Variants in GPR39 observed in about 807,000 individuals in gnomAD.
GPR39 encodes the protein zinc sensing receptor.
Under a neutral mutation model 18.4 loss-of-function variants are expected in GPR39, and 23 were observed. The ratio of observed to expected loss-of-function variants is 1.25; its 90% confidence interval spans 0.90 to 1.77. The LOEUF (loss-of-function observed/expected upper bound fraction) is 1.77, where lower values mean the gene tolerates loss of function less well. Among genes scored for constraint, GPR39 ranks in the 40% most tolerant of loss-of-function variants. The pLI, the probability that GPR39 is intolerant of heterozygous loss-of-function variation, is 0.00. For missense variants in GPR39, 647 were observed against 602.4 expected (o/e 1.07, Z -0.78); for synonymous variants, 280 against 257.9 (o/e 1.09, Z -0.82).
intron 1 of GPR39, among the ~76,000 whole-genome samples, chr2:132,604,034 A>G (rs1269122076): frequency 6.6e-6 from 1 of 152,084 alleles, no homozygotes; most frequent in Non-Finnish European, 1.5e-5. Context: ...ATACTTCACA[A>G]CCCAACCAAG....
intron 1 of GPR39, among the ~76,000 whole-genome samples, chr2:132,536,615 A>T (rs1489339588): frequency 6.6e-6 from 1 of 152,100 alleles, no homozygotes; most frequent in Non-Finnish European, 1.5e-5. Flanking sequence ...TCAAGTCCTG[A>T]ATATCCTTGT....
intron 1 of GPR39, among the ~76,000 whole-genome samples, chr2:132,594,010 C>T (rs1413990061): frequency 1.3e-5 from 2 of 152,132 alleles, no homozygotes; most frequent in African/African-American, 2.4e-5. Context: ...CCAAGTGTTG[C>T]CAAATTCTTT....
intron 1 of GPR39, among the ~76,000 whole-genome samples, chr2:132,535,881 A>G (rs572054449): frequency 6.6e-5 from 10 of 150,426 alleles, no homozygotes; most frequent in Non-Finnish European, 1.3e-4. Context: ...CTCTGCTGGT[A>G]GTTTGTATTT....
At chr2:132,456,422 C>G (rs1680729932) in intron 1 of GPR39, among the ~76,000 whole-genome samples, 1 of 151,904 alleles carries the variant, frequency 6.6e-6, no homozygotes, top group African/African-American at 2.4e-5. Context: ...TGGGTCTTGA[C>G]TCTTTATCCA....
chr2:132,640,670 G>A (rs1681841495), intron 1 of GPR39, among the ~76,000 whole-genome samples: 1 of 151,940 alleles, frequency 6.6e-6, no homozygotes, highest in Non-Finnish European at 1.5e-5. Context: ...AATTGTGATT[G>A]CAGCCAAACA....
At chr2:132,510,057 G>A (rs1679212148) in intron 1 of GPR39, among the ~76,000 whole-genome samples, 1 of 152,210 alleles carries the variant, frequency 6.6e-6, no homozygotes, top group Non-Finnish European at 1.5e-5. Context: ...ATGACTGAGA[G>A]GCTCAATGGA....
intron 1 of GPR39, among the ~76,000 whole-genome samples, chr2:132,573,824 G>T (rs1412247915): frequency 1.3e-5 from 2 of 152,100 alleles, no homozygotes; most frequent in Non-Finnish European, 2.9e-5. Context: ...GAACTTTTAG[G>T]GGCTGAGAGA....
chr2:132,454,651 G>A (rs923855576), intron 1 of GPR39, among the ~76,000 whole-genome samples: 9 of 152,134 alleles, frequency 5.9e-5, no homozygotes, highest in Admixed American at 2.0e-4. Flanking sequence ...TTTGAGATAC[G>A]TTCCATCAAT....
chr2:132,494,647 A>G (rs1478045864), intron 1 of GPR39, among the ~76,000 whole-genome samples: 4 of 152,174 alleles, frequency 2.6e-5, no homozygotes, highest in African/African-American at 9.7e-5. Context: ...GGTCACAGAA[A>G]TGGAGTCAAA....
chr2:132,433,423 C>T (rs1262983004), intron 1 of GPR39, among the ~76,000 whole-genome samples: 1 of 151,998 alleles, frequency 6.6e-6, no homozygotes, highest in Non-Finnish European at 1.5e-5. Flanking sequence ...TTTGTCTCTC[C>T]AGTAAAATAT....
At chr2:132,619,878 A>C (rs772959105) in intron 1 of GPR39, among the ~76,000 whole-genome samples, 1 of 149,800 alleles carries the variant, frequency 6.7e-6, no homozygotes, top group African/African-American at 2.5e-5. Flanking sequence ...CACTCTCCAC[A>C]CCCTACACCC....
intron 1 of GPR39, among the ~76,000 whole-genome samples, chr2:132,586,583 T>C (rs1035522699): frequency 2.0e-5 from 3 of 152,198 alleles, no homozygotes; most frequent in Non-Finnish European, 4.4e-5. Context: ...CCCACTTTCC[T>C]GGATAGAGAT....
intron 1 of GPR39, among the ~76,000 whole-genome samples, chr2:132,474,900 G>T (rs979974759): frequency 2.0e-5 from 3 of 152,160 alleles, no homozygotes; most frequent in African/African-American, 7.2e-5. Context: ...TTATTGCCTT[G>T]TTGAAGGAAG....
At chr2:132,470,657 G>GA (rs1277348230) in intron 1 of GPR39, among the ~76,000 whole-genome samples, 3 of 151,316 alleles carry the variant, frequency 2.0e-5, no homozygotes, top group Non-Finnish European at 4.4e-5. Context: ...GTAAAATGAG[G>GA]AAAATGTATA....
intron 1 of GPR39, among the ~76,000 whole-genome samples, chr2:132,433,463 T>C (rs10175437): frequency 0.21 from 32,567 of 151,904 alleles, 3,649 homozygotes; most frequent in African/African-American, 0.26. Flanking sequence ...CGTGGGCTTC[T>C]CACATAAATT....
chr2:132,447,875 G>A (rs957372909), intron 1 of GPR39, among the ~76,000 whole-genome samples: 1 of 152,168 alleles, frequency 6.6e-6, no homozygotes. Flanking sequence ...ACCAGTTGAG[G>A]AGAGAAAACT....
At chr2:132,552,430 T>C (rs1309351541) in intron 1 of GPR39, among the ~76,000 whole-genome samples, 1 of 152,128 alleles carries the variant, frequency 6.6e-6, no homozygotes, top group Non-Finnish European at 1.5e-5. Flanking sequence ...CCTTCTGTCA[T>C]GACTGGAAGC....
intron 1 of GPR39, among the ~76,000 whole-genome samples, chr2:132,557,862 C>T (rs976029945): frequency 2.6e-5 from 4 of 152,112 alleles, no homozygotes; most frequent in African/African-American, 7.2e-5. Flanking sequence ...CCCATGCCGC[C>T]CGGGGGGGCT....
chr2:132,568,805 T>C (rs1211136113), intron 1 of GPR39, among the ~76,000 whole-genome samples: 7 of 152,100 alleles, frequency 4.6e-5, no homozygotes, highest in African/African-American at 1.7e-4. Flanking sequence ...TAGCATGCCC[T>C]GCTAAACATG....
Sources: gnomAD v4.1 joint callset for allele counts (sites outside exome capture counted in the v4.1 genomes callset) on GRCh38, gnomAD v4.1.1 for gene constraint, MANE v1.5 for transcripts, NCBI Gene and HGNC (gene_info 2026-07-23, HGNC 2026-07-21) for gene names.